The following LPP variants were observed in gnomAD, a reference collection of about 807,000 sequenced individuals.
The protein encoded by LPP is LIM domain containing preferred translocation partner in lipoma, also known as lipoma-preferred partner.
In LPP, 38 loss-of-function variants were observed where a neutral mutation model predicts 60.4. The observed-to-expected ratio is 0.63, with a 90% CI of 0.49 to 0.83. LPP has a LOEUF of 0.83. Among genes scored for constraint, LPP ranks in the 40% least tolerant of loss-of-function variants. The probability of loss-of-function intolerance (pLI) is 0.00; values close to 1 mark genes in which losing one functional copy is unlikely to be tolerated. For synonymous variants in LPP, 328 were observed against 290.8 expected (o/e 1.13, Z -1.30); for missense variants, 902 against 783.6 (o/e 1.15, Z -1.80).
chr3:188,496,177 G>A (rs1810143138), intron 5 of LPP, among the ~76,000 whole-genome samples: 1 of 151,970 alleles, frequency 6.6e-6, no homozygotes, highest in Non-Finnish European at 1.5e-5. Flanking sequence ...CCAGTCTGGA[G>A]TGCAGTGGCA....
intron 2 of LPP, among the ~76,000 whole-genome samples, chr3:188,333,880 C>T (rs545791784): frequency 6.6e-6 from 1 of 152,102 alleles, no homozygotes; most frequent in Non-Finnish European, 1.5e-5. Flanking sequence ...GTGTTTGGAA[C>T]ATTCAAAAGC....
intron 7 of LPP, among the ~76,000 whole-genome samples, chr3:188,623,732 G>A (rs984972199): frequency 2.0e-5 from 3 of 152,222 alleles, no homozygotes; most frequent in African/African-American, 4.8e-5. Context: ...TGTCACTGCT[G>A]TGCAGCAACT....
At chr3:188,709,339 A>G (rs949423084) in intron 8 of LPP, 11 of 152,110 alleles carry the variant, frequency 7.2e-5, no homozygotes, top group Admixed American at 7.2e-4. Context: ...ATTGTTGCAA[A>G]TTTTATTTTT....
In LPP at chr3:188,410,883, T is replaced by C. The variant is rs569970429; in HGVS notation, c.193+4570T>C. Reference sequence around the variant, plus strand: ...CTGTAGTCTTTTATCCCTCACATCCTTCCCATCCTTCACCCTGAGTCCCCA... The same window carrying C: ...CTGTAGTCTTTTATCCCTCACATCCCTCCCATCCTTCACCCTGAGTCCCCA... On this transcript the variant is annotated intron_variant, in intron 4 of 11. Transcript: ENST00000617246. Among the ~76,000 whole-genome samples the C allele has an allele frequency of 3.3e-5, 5 of 152,262 alleles. No homozygotes were observed. The South Asian group carries it at 8.3e-4, about 25-fold the overall frequency.
At chr3:188,447,310 C>T (rs539192245) in intron 4 of LPP, among the ~76,000 whole-genome samples, 2 of 152,164 alleles carry the variant, frequency 1.3e-5, no homozygotes, top group East Asian at 3.9e-4. Flanking sequence ...TATATAAGGT[C>T]CAAAGCAAAA....
At chr3:188,315,090 T>C (rs1334321612) in intron 2 of LPP, among the ~76,000 whole-genome samples, 1 of 152,152 alleles carries the variant, frequency 6.6e-6, no homozygotes, top group Non-Finnish European at 1.5e-5. Context: ...TTTTTTTCTG[T>C]AGTAATTGGA....
At chr3:188,476,102 T>C (rs1474255095) in intron 4 of LPP, among the ~76,000 whole-genome samples, 3 of 152,154 alleles carry the variant, frequency 2.0e-5, no homozygotes, top group Non-Finnish European at 4.4e-5. Context: ...TTGCCCTACA[T>C]TTCATCATAG....
At chr3:188,643,648 G>T (rs1311123345) in intron 7 of LPP, among the ~76,000 whole-genome samples, 1 of 152,064 alleles carries the variant, frequency 6.6e-6, no homozygotes, top group African/African-American at 2.4e-5. Flanking sequence ...TCCTGTGCAG[G>T]AGTATAAATG....
intron 9 of LPP, among the ~76,000 whole-genome samples, chr3:188,804,241 C>CTT (rs1237327181): frequency 1.8e-4 from 3 of 16,798 alleles, no homozygotes; most frequent in African/African-American, 7.4e-4. Flanking sequence ...TGTAGTGCAT[C>CTT]TTTATATATA....
chr3:188,619,582 A>T (rs746184975), intron 7 of LPP, among the ~76,000 whole-genome samples: 1 of 152,208 alleles, frequency 6.6e-6, no homozygotes, highest in South Asian at 2.1e-4. Context: ...GCTTCATTCC[A>T]TATTATCAAT....
At position 188,826,976 on chromosome 3, in the gene LPP, C is replaced by T. The variant is rs544104085; in HGVS notation, c.1411-39224C>T. Among the ~76,000 whole-genome samples the T allele has an allele frequency of 8.5e-4, 130 of 152,210 alleles. 2 individuals carry two copies. Among genetic ancestry groups the T allele is most frequent in the Middle Eastern group, 3.4e-3 (1 of 292 alleles). On this transcript the variant is annotated intron_variant, in intron 9 of 11. Coordinates refer to ENST00000617246, the MANE Select transcript of LPP (RefSeq NM_001375462.1). The stretch of plus-strand genomic sequence containing the variant: ...CCCACACTGTACTGTTAAGAGAATA[C>T]ATAATGAAAAAGTAAATGAATAAAT...
chr3:188,557,066 G>A (rs988356005), intron 6 of LPP, among the ~76,000 whole-genome samples: 7 of 151,918 alleles, frequency 4.6e-5, no homozygotes, highest in African/African-American at 9.7e-5. Flanking sequence ...CTTGCCCTAC[G>A]GTAGATAGCT....
intron 2 of LPP, among the ~76,000 whole-genome samples, chr3:188,250,710 TTTTCTTTCTTTCTCTCTTTC>T (rs1560157984): frequency 6.7e-5 from 10 of 148,844 alleles, no homozygotes; most frequent in Admixed American, 2.0e-4. Flanking sequence ...TTCCTCTTTC[TTTTCTTTCTTTCTCTCTTTC>T]TTTCTTTCTT....
At chr3:188,669,358 C>T (rs183886826) in intron 7 of LPP, among the ~76,000 whole-genome samples, 14 of 152,168 alleles carry the variant, frequency 9.2e-5, no homozygotes, top group East Asian at 1.9e-4. Flanking sequence ...GGGCGGATCA[C>T]GAAGTCAGGA....
chr3:188,425,812 T>C (rs1789153213), intron 4 of LPP, among the ~76,000 whole-genome samples: 1 of 152,200 alleles, frequency 6.6e-6, no homozygotes, highest in South Asian at 2.1e-4. Flanking sequence ...TATCATTTTT[T>C]ATTGTGTCTA....
intron 6 of LPP, among the ~76,000 whole-genome samples, chr3:188,605,359 G>A (rs1842190400): frequency 6.6e-6 from 1 of 152,170 alleles, no homozygotes; most frequent in Non-Finnish European, 1.5e-5. Context: ...TGAATGGAAA[G>A]TAGGCAGTCT....
At position 188,217,009 on chromosome 3, in the gene LPP, C is replaced by G. The variant is rs1447139846; in HGVS notation, c.-189-8396C>G. On this transcript the variant is annotated intron_variant, in intron 1 of 11. Coordinates refer to ENST00000617246, the MANE Select transcript of LPP (RefSeq NM_001375462.1). This position sits in a 1 kb window ranked among gnomAD's most constrained non-coding sequence, Gnocchi z 4.0. ...CCTTGCACTGTTCTGGGCATTATCC[C>G]AGTACTCGATTTAGAGCAAAGAGTA... Among the ~76,000 whole-genome samples the G allele has an allele frequency of 1.3e-5, 2 of 152,186 alleles. No homozygotes were observed. Among genetic ancestry groups the G allele is most frequent in the Non-Finnish European group, 2.9e-5 (2 of 68,034 alleles).
At chr3:188,426,051 C>T (rs541116281) in intron 4 of LPP, among the ~76,000 whole-genome samples, 3 of 151,752 alleles carry the variant, frequency 2.0e-5, no homozygotes, top group East Asian at 1.9e-4. Context: ...GTTAGGGTGT[C>T]GATTTGAGAT....
At chr3:188,453,931 A>G (rs747507989) in intron 4 of LPP, among the ~76,000 whole-genome samples, 1 of 152,050 alleles carries the variant, frequency 6.6e-6, no homozygotes, top group Non-Finnish European at 1.5e-5. Flanking sequence ...TACTCTTTTT[A>G]TCCTATTACA....
Sources: allele counts gnomAD v4.1 joint callset (sites outside exome capture counted in the v4.1 genomes callset), GRCh38; gene constraint gnomAD v4.1.1; non-coding constraint Gnocchi (gnomAD v3.1); transcripts MANE v1.5; gene names NCBI Gene and HGNC (gene_info 2026-07-23, HGNC 2026-07-21).